TRAM1: variants seen among roughly 807,000 people sequenced by gnomAD.
TRAM1 encodes translocating chain-associated membrane protein 1.
In TRAM1, 17 loss-of-function variants were observed where a neutral mutation model predicts 48.7. The observed-to-expected ratio is 0.35, with a 90% confidence interval of 0.24 to 0.52. TRAM1 has a LOEUF of 0.52. TRAM1 is among the 20% of genes least tolerant of loss of function. The pLI is 0.94. For missense variants in TRAM1, 351 were observed against 441.5 expected (o/e 0.79, Z 1.84); for synonymous variants, 182 against 154.0 (o/e 1.18, Z -1.34).
chr8:70,605,507 G>A (rs535262627), intron 1 of TRAM1, among the ~76,000 whole-genome samples: 1 of 152,010 alleles, frequency 6.6e-6, no homozygotes, highest in Non-Finnish European at 1.5e-5. Flanking sequence ...TTTCCTCAAT[G>A]TATCTGCACA....
At chr8:70,590,977 G>A (rs1817343069) in intron 6 of TRAM1, among the ~76,000 whole-genome samples, 1 of 150,810 alleles carries the variant, frequency 6.6e-6, no homozygotes. Context: ...TAATCTCTCT[G>A]TATAATGGGG....
At position 70,574,072 on chromosome 8, in the gene TRAM1, C is replaced by A; in HGVS notation, c.*860G>T. On this transcript the variant is annotated 3_prime_UTR_variant, in exon 11 of 11. Transcript: ENST00000262213. ...TTTTTATAGATATAAATCAAGTAGG[C>A]ATTATGTTTTAAAAGTGTTTGCAGG... is the stretch of plus-strand genomic sequence containing the variant. 4.1e-6 allele frequency: 1 copy of A among 245,436 alleles called. No individual in the cohort carries two copies. The highest frequency in any genetic ancestry group is 3.9e-5 in the South Asian group (1 of 25,872). 15.2% of individuals were successfully genotyped at this position (245,436 alleles called of 1,614,324 possible).
Position 70,573,913 on chromosome 8 carries a change from A to G in TRAM1, c.*1019T>C, listed in dbSNP as rs1816879573. On this transcript the variant is annotated 3_prime_UTR_variant, in exon 11 of 11. Transcript: ENST00000262213. ...GTTTTATACAGATAAATGTTTCTCA[A>G]TTAAAGATGGGACCAAAGCTATAGG... is the stretch of plus-strand genomic sequence containing the variant. 1 of 154,678 alleles carries G rather than the reference A, an allele frequency of 6.5e-6. No individual in the cohort carries two copies. The highest frequency in any genetic ancestry group is 6.5e-5 in the Admixed American group (1 of 15,302). 9.6% of individuals were successfully genotyped at this position (154,678 alleles called of 1,614,324 possible).
chr8:70,581,670 AG>A (rs765499864), intron 10 of TRAM1, among the ~76,000 whole-genome samples: 4 of 152,260 alleles, frequency 2.6e-5, no homozygotes, highest in Non-Finnish European at 5.9e-5. Flanking sequence ...AAATGTTCAC[AG>A]CATCACGATT....
intron 2 of TRAM1, among the ~76,000 whole-genome samples, 169 bp from the exon 3 acceptor site, chr8:70,598,424 A>G (rs1225540019): frequency 1.3e-5 from 2 of 152,226 alleles, no homozygotes; most frequent in Non-Finnish European, 2.9e-5. Context: ...AGGGGCAATG[A>G]AAATCAAAAC....
intron 10 of TRAM1, among the ~76,000 whole-genome samples, chr8:70,578,927 T>C (rs559743385): frequency 1.3e-5 from 2 of 152,336 alleles, no homozygotes; most frequent in East Asian, 3.9e-4. Flanking sequence ...ACGGTTTCAG[T>C]TACCCACAGT....
chr8:70,607,410 A>G (rs970887613), intron 1 of TRAM1: 15 of 985,380 alleles, frequency 1.5e-5, no homozygotes, highest in Non-Finnish European at 1.8e-5. Context: ...ACTGGTAATA[A>G]TATCAGTTTA....
rs149047786 is a variant in TRAM1, at chr8:70,604,058, T to C, written c.124-3976A>G. 9.9e-5 allele frequency among the ~76,000 whole-genome samples: 15 copies of C among 152,266 alleles called. No homozygotes were observed. The East Asian group carries it at 2.9e-3, about 29-fold the overall frequency. On this transcript the variant is annotated intron_variant, in intron 1 of 10. Coordinates refer to ENST00000262213, the MANE Select transcript of TRAM1 (RefSeq NM_014294.6). ...TTAGAATATAAATAGGCTACAGAAA[T>C]ATATAATGCACTCGAAAGTAAAAAT...
rs1817119507 is a variant in TRAM1 at position 70,583,236 on chromosome 8, A to C, written c.979T>G (p.Ser327Ala). The change falls in exon 10 of 11, where the codon TCT (serine) becomes GCT (alanine). Residue 327 changes from serine (S) to alanine (A), a missense_variant. Transcript: ENST00000262213. ...NFQLRRWREH[S>A]AFQAPAVKKK... ...TTCACAGCTGGTGCCTGAAAAGCAGAATGTTCCCTCCACCTTCGAAGCTGA... is the reference window on the plus strand; with the variant it reads ...TTCACAGCTGGTGCCTGAAAAGCAGCATGTTCCCTCCACCTTCGAAGCTGA... 6 of 1,613,956 alleles carry C rather than the reference A, an allele frequency of 3.7e-6. No individual in the cohort carries two copies. The highest frequency in any genetic ancestry group is 5.1e-6 in the Non-Finnish European group (6 of 1,180,006).
chr8:70,577,973 G>C (rs1380824890), intron 10 of TRAM1, among the ~76,000 whole-genome samples: 1 of 152,240 alleles, frequency 6.6e-6, no homozygotes, highest in Non-Finnish European at 1.5e-5. Flanking sequence ...TGTGTGTCTG[G>C]CTGTGCGCAG....
Position 70,606,802 on chromosome 8 carries a change from A to T in TRAM1, c.123+1275T>A, listed in dbSNP as rs932019975. The T allele has an allele frequency of 3.8e-6, 3 of 780,832 alleles. No individual in the cohort carries two copies. In the African/African-American group the frequency reaches 5.6e-5, roughly 15 times the overall value. 48.4% of individuals were successfully genotyped at this position (780,832 alleles called of 1,614,324 possible). On this transcript the variant is annotated intron_variant, in intron 1 of 10. Coordinates refer to ENST00000262213, the MANE Select transcript of TRAM1 (RefSeq NM_014294.6). ...AGCCCATTTGATGAGAGGCGAAAAT[A>T]AGGTTAAAATATTATTTAATTTTAA...
chr8:70,574,941 T>C lies in TRAM1; in HGVS notation c.1116A>G (p.Lys372=). ...VADSPRNKKE[K]SS is the part of the protein sequence containing the mutation. ...ATTAGTTTATAATTCATTATGAAGA[T>C]TTCTCTTTTTTATTCCGGGGAGAGT... The change falls in exon 11 of 11, where the codon AAA becomes AAG. Residue 372 remains lysine (K), a synonymous_variant. Transcript: ENST00000262213. 1 of 1,604,102 alleles carries C rather than the reference T, an allele frequency of 6.2e-7. No homozygotes were observed. Among genetic ancestry groups the C allele is most frequent in the Non-Finnish European group, 8.5e-7 (1 of 1,172,396 alleles).
intron 1 of TRAM1, among the ~76,000 whole-genome samples, chr8:70,602,038 C>T (rs1002485565): frequency 2.0e-5 from 3 of 152,096 alleles, no homozygotes; most frequent in African/African-American, 4.8e-5. Context: ...CTTCAAGTCA[C>T]TGAAACTAAG....
At chr8:70,598,310 A>G in intron 2 of TRAM1, 55 bp from the exon 3 acceptor site, 1 of 1,529,372 alleles carries the variant, frequency 6.5e-7, no homozygotes, top group Non-Finnish European at 8.8e-7. Context: ...TTATAAAAAC[A>G]GCATTAAGTA....
At chr8:70,600,159 A>C in intron 1 of TRAM1, 77 bp from the exon 2 acceptor site, 1 of 1,185,104 alleles carries the variant, frequency 8.4e-7, no homozygotes, top group South Asian at 1.3e-5. Context: ...AAAACATTAT[A>C]AAATCTGTCC....
intron 8 of TRAM1, among the ~76,000 whole-genome samples, chr8:70,586,144 A>G (rs1025922539): frequency 6.6e-6 from 1 of 151,782 alleles, no homozygotes; most frequent in Non-Finnish European, 1.5e-5. Context: ...GAAACTGGAA[A>G]CCATCATTCT....
intron 6 of TRAM1, 140 bp downstream of exon 6, chr8:70,594,366 G>T: frequency 2.7e-6 from 1 of 369,886 alleles, no homozygotes; most frequent in Non-Finnish European, 4.7e-6. Flanking sequence ...AAAGAGGGTT[G>T]GTGGGAGAAT....
At chr8:70,596,756 A>G (rs1817495652) in intron 4 of TRAM1, among the ~76,000 whole-genome samples, 1 of 151,890 alleles carries the variant, frequency 6.6e-6, no homozygotes, top group Non-Finnish European at 1.5e-5. Flanking sequence ...TTACGTCAAT[A>G]AAATACTGCC....
At chr8:70,575,538 T>G (rs1046097110) in intron 10 of TRAM1, among the ~76,000 whole-genome samples, 10 of 152,068 alleles carry the variant, frequency 6.6e-5, no homozygotes, top group African/African-American at 2.4e-4. Context: ...CCCGGGGACC[T>G]CAGCCTCCCA....
Sources: allele counts gnomAD v4.1 joint callset (sites outside exome capture counted in the v4.1 genomes callset), GRCh38; gene constraint gnomAD v4.1.1; transcripts MANE v1.5; gene names NCBI Gene and HGNC (gene_info 2026-07-23, HGNC 2026-07-21).